The following RASA3 variants were observed in gnomAD, a reference collection of about 807,000 sequenced individuals.
RASA3 encodes RAS p21 protein activator 3.
A neutral mutation model predicts 110.0 loss-of-function variants in RASA3; 73 were observed. The ratio of observed to expected loss-of-function variants is 0.66; its 90% CI spans 0.55 to 0.81. RASA3 has a LOEUF of 0.81. RASA3 is among the 30% of genes least tolerant of loss of function. The pLI is 0.00. For missense variants in RASA3, 976 were observed against 1,113.2 expected, an observed-to-expected ratio of 0.88 and a Z score of 1.75; for synonymous variants, 500 against 451.4, an observed-to-expected ratio of 1.11 and a Z score of -1.37.
intron 19 of RASA3, among the ~76,000 whole-genome samples, chr13:114,000,193 G>C (rs1020362074): frequency 1.3e-5 from 2 of 151,314 alleles, no homozygotes; most frequent in African/African-American, 4.9e-5. Context: ...GGGGGTCTCT[G>C]CTGGGGTGCC....
Position 113,979,220 on chromosome 13 carries a change from T to C in RASA3, c.*127A>G. 6.4e-6 allele frequency: 6 copies of C among 933,654 alleles called. No individual in the cohort carries two copies. Among genetic ancestry groups the C allele is most frequent in the South Asian group, 2.9e-5 (2 of 68,378 alleles). 57.8% of individuals were successfully genotyped at this position (933,654 alleles called of 1,614,324 possible). A position where few individuals can be genotyped will look rare whatever the true frequency, so the allele number is the denominator to read the frequency against. ...GGGAGAGGGAAACCCCAGCGCCACTTGTCTATGGGCCGGGACGGCGTGCAT... is the reference window on the plus strand; with the variant it reads ...GGGAGAGGGAAACCCCAGCGCCACTCGTCTATGGGCCGGGACGGCGTGCAT... On this transcript the variant is annotated 3_prime_UTR_variant, in exon 24 of 24. Coordinates refer to ENST00000334062, the MANE Select transcript of RASA3 (RefSeq NM_007368.4).
intron 21 of RASA3, among the ~76,000 whole-genome samples, chr13:113,994,601 A>C (rs9590544): frequency 0.012 from 1,774 of 152,200 alleles, 26 homozygotes; most frequent in African/African-American, 0.041. Context: ...AGTTTGAGCA[A>C]CACCACCCTG....
chr13:114,118,198 T>G, intron 1 of RASA3, among the ~76,000 whole-genome samples: 1 of 152,174 alleles, frequency 6.6e-6, no homozygotes, highest in Non-Finnish European at 1.5e-5. Context: ...GCACAGCCAA[T>G]ATTTCCCTTA....
intron 4 of RASA3, among the ~76,000 whole-genome samples, chr13:114,039,562 G>A (rs901833589): frequency 2.6e-5 from 4 of 152,198 alleles, no homozygotes; most frequent in Non-Finnish European, 5.9e-5. Flanking sequence ...ACCCTCCCAC[G>A]TCCCAGGGTT....
At chr13:114,069,562 T>TGCC (rs2079522894) in intron 2 of RASA3, among the ~76,000 whole-genome samples, 1 of 4,238 alleles carries the variant, frequency 2.4e-4, no homozygotes, top group Non-Finnish European at 3.9e-4. Flanking sequence ...ACTCGGGGGT[T>TGCC]GGGAGACTTG....
rs1331972778 is a variant in RASA3 at position 114,018,238 on chromosome 13, A to T, written c.957T>A (p.Ser319=). Residue 319 remains serine, a synonymous_variant, in exon 11 of 24, where the codon TCT becomes TCA. Coordinates refer to ENST00000334062, the MANE Select transcript of RASA3 (RefSeq NM_007368.4). ...AAACCTCGCCCAGGATGTGGGCCGCAGACGCTGACACGGGCTGCGGGGAGG... is the reference window on the plus strand; with the variant it reads ...AAACCTCGCCCAGGATGTGGGCCGCTGACGCTGACACGGGCTGCGGGGAGG... ...KSADVEPVSA[S]AAHILGEVCR... 1.3e-6 allele frequency: 2 copies of T among 1,552,948 alleles called. No homozygotes were observed. The highest frequency in any genetic ancestry group is 8.7e-7 in the Non-Finnish European group (1 of 1,148,702).
intron 1 of RASA3, among the ~76,000 whole-genome samples, chr13:114,100,396 G>A (rs575816139): frequency 8.3e-4 from 127 of 152,278 alleles, no homozygotes; most frequent in Non-Finnish European, 1.5e-3. Context: ...CCCAGGAGCC[G>A]CCCGCCTGCA....
intron 1 of RASA3, among the ~76,000 whole-genome samples, chr13:114,098,547 G>T (rs2079977487): frequency 6.6e-6 from 1 of 152,108 alleles, no homozygotes; most frequent in Admixed American, 6.5e-5. Context: ...GGTGGGCTGG[G>T]GTCAGGACGT....
intron 9 of RASA3, among the ~76,000 whole-genome samples, chr13:114,020,896 A>G (rs1332489286): frequency 6.6e-6 from 1 of 152,206 alleles, no homozygotes; most frequent in Middle Eastern, 3.2e-3. Flanking sequence ...CTGTGTGCGC[A>G]TTCTGGGCTC....
chr13:114,015,324 T>C lies in RASA3; in HGVS notation c.1290A>G (p.Leu430=), dbSNP rs910519368. The change falls in exon 14 of 24, where the codon CTA becomes CTG. Residue 430 remains leucine (L), a synonymous_variant. Transcript: ENST00000334062. ...GENLENNMEN[L]RQYVDRVFHA... ...GGAAGACGCGGTCCACATACTGCCG[T>C]AGGTTCTCCTGCAACGGGACACGGC... 3 of 1,612,696 alleles carry C rather than the reference T, an allele frequency of 1.9e-6. No individual in the cohort carries two copies. In the African/African-American group the frequency reaches 4.0e-5, roughly 22 times the overall value.
chr13:113,998,761 G>C (rs541558734), intron 20 of RASA3, among the ~76,000 whole-genome samples: 1 of 152,224 alleles, frequency 6.6e-6, no homozygotes, highest in Non-Finnish European at 1.5e-5. Context: ...AGGCCTGCAC[G>C]CCTCAAAGAT....
chr13:114,005,385 TG>T (rs1188902016), intron 18 of RASA3, among the ~76,000 whole-genome samples: 1 of 152,184 alleles, frequency 6.6e-6, no homozygotes, highest in Non-Finnish European at 1.5e-5. Flanking sequence ...TGGGCTCTGA[TG>T]CTCCAGGGAC....
At chr13:114,013,369 A>C (rs2139257818) in intron 14 of RASA3, 121 bp from the exon 15 acceptor site, 2 of 419,982 alleles carry the variant, frequency 4.8e-6, no homozygotes, top group Admixed American at 4.3e-5. Flanking sequence ...CTCTATCTCC[A>C]CCTGTGTCTG....
At chr13:114,038,737 C>T (rs920656835) in intron 4 of RASA3, among the ~76,000 whole-genome samples, 13 of 149,000 alleles carry the variant, frequency 8.7e-5, no homozygotes, top group African/African-American at 1.5e-4. Context: ...TCCCAGAGGA[C>T]GAGGGTTCCC....
chr13:114,005,705 G>A (rs1413239820), intron 18 of RASA3, among the ~76,000 whole-genome samples: 2 of 151,996 alleles, frequency 1.3e-5, no homozygotes, highest in African/African-American at 2.4e-5. Context: ...GGAATGTGCT[G>A]GGTGCTCTGG....
chr13:113,994,120 G>A (rs1209383215), intron 21 of RASA3, among the ~76,000 whole-genome samples: 1 of 152,178 alleles, frequency 6.6e-6, no homozygotes, highest in African/African-American at 2.4e-5. Context: ...ATACTGATTA[G>A]AAATTGTTTC....
At chr13:113,994,547 A>T (rs931173214) in intron 21 of RASA3, among the ~76,000 whole-genome samples, 9 of 115,072 alleles carry the variant, frequency 7.8e-5, no homozygotes, top group African/African-American at 2.8e-4. Flanking sequence ...GGGTAATCCC[A>T]GCACTCTGGG....
At chr13:114,030,699 C>T in intron 4 of RASA3, among the ~76,000 whole-genome samples, 1 of 152,128 alleles carries the variant, frequency 6.6e-6, no homozygotes, top group Admixed American at 6.6e-5. Context: ...TGTGTGTCCA[C>T]CTGTCTGTGC....
chr13:114,129,199 T>C (rs1380110185), intron 1 of RASA3, among the ~76,000 whole-genome samples: 1 of 152,210 alleles, frequency 6.6e-6, no homozygotes. Flanking sequence ...GCATAGGAAG[T>C]GTGGCTCAGT....
Sources: allele counts gnomAD v4.1 joint callset (sites outside exome capture counted in the v4.1 genomes callset), GRCh38; gene constraint gnomAD v4.1.1; transcripts MANE v1.5; gene names NCBI Gene and HGNC (gene_info 2026-07-23, HGNC 2026-07-21).